ZNF536: variants seen among roughly 807,000 people sequenced by gnomAD.
ZNF536 encodes zinc finger protein 536.
Under a neutral mutation model 84.5 loss-of-function variants are expected in ZNF536, and 13 were observed. The ratio of observed to expected loss-of-function variants is 0.15; its 90% CI spans 0.10 to 0.24. The LOEUF is 0.24. Among genes scored for constraint, ZNF536 ranks in the 10% least tolerant of loss-of-function variants. The pLI is 1.00. For synonymous variants in ZNF536, 811 were observed against 742.5 expected (o/e 1.09, Z -1.50); for missense variants, 1,536 against 1,747.5 (o/e 0.88, Z 2.16).
intron 1 of ZNF536, among the ~76,000 whole-genome samples, chr19:30,273,974 A>G (rs943197823): frequency 6.6e-6 from 1 of 152,364 alleles, no homozygotes; most frequent in East Asian, 1.9e-4. Context: ...TAATAGAATT[A>G]TGGATTATTA....
intron 2 of ZNF536, among the ~76,000 whole-genome samples, chr19:30,456,388 T>C (rs1390937547): frequency 2.0e-5 from 3 of 151,030 alleles, no homozygotes; most frequent in Non-Finnish European, 4.4e-5. Context: ...CATCGATCAT[T>C]CTGATCTTCT....
At chr19:30,574,108 A>G (rs372832678) in intron 1 of ZNF536, among the ~76,000 whole-genome samples, 7 of 152,248 alleles carry the variant, frequency 4.6e-5, no homozygotes, top group African/African-American at 1.4e-4. Context: ...CCCACCTTTC[A>G]TACTAGCTGC....
intron 1 of ZNF536, among the ~76,000 whole-genome samples, chr19:30,405,433 AC>A (rs1446688864): frequency 6.6e-6 from 1 of 152,136 alleles, no homozygotes; most frequent in East Asian, 1.9e-4. Flanking sequence ...TACTTCCTGA[AC>A]TTGGGGTCTC....
intron 1 of ZNF536, among the ~76,000 whole-genome samples, chr19:30,240,719 G>A (rs1330126522): frequency 6.6e-6 from 1 of 152,226 alleles, no homozygotes; most frequent in African/African-American, 2.4e-5. Flanking sequence ...GGAGGGCTTC[G>A]TGGACCGTCT....
rs572784291 is a variant in ZNF536 at position 30,326,232 on chromosome 19, C to T, written c.-119-26136C>T. On this transcript the variant is annotated intron_variant, in intron 2 of 5. Transcript: ENST00000585628. Reference sequence around the variant, plus strand: ...CCGTCCCCATTGCCAGGGACATGTCCCAGTGGTCAGCCCGGGCTTGGCGTC... The same window carrying T: ...CCGTCCCCATTGCCAGGGACATGTCTCAGTGGTCAGCCCGGGCTTGGCGTC... 1.1e-3 allele frequency among the ~76,000 whole-genome samples: 169 copies of T among 152,282 alleles called. 3 individuals are homozygous for T. Among genetic ancestry groups the T allele is most frequent in the Middle Eastern group, 3.4e-3 (1 of 294 alleles).
At chr19:30,386,657 C>T (rs553601071) in intron 1 of ZNF536, among the ~76,000 whole-genome samples, 7 of 152,350 alleles carry the variant, frequency 4.6e-5, no homozygotes, top group South Asian at 4.1e-4. Flanking sequence ...GGATTATAGG[C>T]GTGAGCCATG....
At chr19:30,602,600 G>A (rs1056586434) in intron 1 of ZNF536, among the ~76,000 whole-genome samples, 6 of 152,168 alleles carry the variant, frequency 3.9e-5, no homozygotes, top group African/African-American at 1.4e-4. Context: ...CCATGGCCTG[G>A]TCCTGCTAAG....
At chr19:30,632,083 A>G (rs1235134659) in intron 1 of ZNF536, among the ~76,000 whole-genome samples, 1 of 152,180 alleles carries the variant, frequency 6.6e-6, no homozygotes, top group Non-Finnish European at 1.5e-5. Context: ...CAAGGTAAAG[A>G]TCTCACAGAG....
chr19:30,519,314 A>G (rs2044222604), intron 2 of ZNF536, among the ~76,000 whole-genome samples: 1 of 152,220 alleles, frequency 6.6e-6, no homozygotes, highest in South Asian at 2.1e-4. Context: ...AGGTGTGGAC[A>G]GGGAAGGGCC....
rs1014190273 is a variant in ZNF536, at chr19:30,576,642, C to T, written c.169+27128C>T. On this transcript the variant is annotated intron_variant, in intron 1 of 1. Coordinates refer to the ZNF536 transcript ENST00000592773. ...GGTCATGGGGACCCACTGCCATGCACCATCCATACCCCCTGCCTCACTTTC... is the reference window on the plus strand; with the variant it reads ...GGTCATGGGGACCCACTGCCATGCATCATCCATACCCCCTGCCTCACTTTC... Among the ~76,000 whole-genome samples, 21 of 152,222 alleles carry T rather than the reference C, an allele frequency of 1.4e-4. 1 individual carries two copies. Among genetic ancestry groups the T allele is most frequent in the African/African-American group, 4.6e-4 (19 of 41,442 alleles).
chr19:30,426,706 C>T (rs1299604306), intron 1 of ZNF536, among the ~76,000 whole-genome samples: 1 of 152,106 alleles, frequency 6.6e-6, no homozygotes. Context: ...TTTTAAGGAC[C>T]CCAGGGTTGG....
At position 30,588,879 on chromosome 19, in the gene ZNF536, A is replaced by G. The variant is rs2146766739; in HGVS notation, c.169+39365A>G. ...TAAAAAAGAATTAGTTATTTTTTTA[A>G]GTAAGGAAATAATAGTACAGGTGAC... On this transcript the variant is annotated intron_variant, in intron 1 of 1. Transcript: ENST00000592773. 1.3e-5 allele frequency among the ~76,000 whole-genome samples: 2 copies of G among 152,348 alleles called. 1 individual carries two copies. Among genetic ancestry groups the G allele is most frequent in the South Asian group, 4.1e-4 (2 of 4,828 alleles).
chr19:30,556,974 C>T (rs2045988104), intron 4 of ZNF536, 183 bp from the exon 5 acceptor site: 2 of 613,262 alleles, frequency 3.3e-6, no homozygotes. Flanking sequence ...AATTGCCAAC[C>T]TGCCCTAATC....
At chr19:30,582,375 CTTTTT>C (rs35509271) in intron 1 of ZNF536, among the ~76,000 whole-genome samples, 4 of 89,170 alleles carry the variant, frequency 4.5e-5, no homozygotes, top group African/African-American at 1.2e-4. Flanking sequence ...CCTAGTTTCT[CTTTTT>C]TTTTTTTTTT....
chr19:30,700,007 C>A (rs141890527), intron 1 of ZNF536, among the ~76,000 whole-genome samples: 104 of 152,024 alleles, frequency 6.8e-4, no homozygotes, highest in Non-Finnish European at 2.8e-4. Context: ...TTTTCTCTTT[C>A]TTTCTTTCTT....
chr19:30,492,732 A>G (rs1277004721), intron 2 of ZNF536, among the ~76,000 whole-genome samples: 1 of 152,302 alleles, frequency 6.6e-6, no homozygotes, highest in Admixed American at 6.5e-5. Context: ...CTCTTACTCA[A>G]TGAGTGGGTC....
intron 2 of ZNF536, among the ~76,000 whole-genome samples, chr19:30,477,449 G>A (rs1417821039): frequency 6.6e-6 from 1 of 152,158 alleles, no homozygotes; most frequent in Non-Finnish European, 1.5e-5. Flanking sequence ...TGACATGCAT[G>A]CATTTTATGA....
chr19:30,448,329 T>C (rs1233341051), intron 2 of ZNF536, among the ~76,000 whole-genome samples: 1 of 152,228 alleles, frequency 6.6e-6, no homozygotes, highest in Non-Finnish European at 1.5e-5. Context: ...CTCCCTCTTA[T>C]TTCCAACAAG....
At chr19:30,275,963 C>T (rs1568296650) in intron 1 of ZNF536, among the ~76,000 whole-genome samples, 1 of 152,052 alleles carries the variant, frequency 6.6e-6, no homozygotes, top group Non-Finnish European at 1.5e-5. Flanking sequence ...AGAGTATCTC[C>T]CCTCTCCCTT....
Sources: allele counts gnomAD v4.1 joint callset (sites outside exome capture counted in the v4.1 genomes callset), GRCh38; gene constraint gnomAD v4.1.1; transcripts MANE v1.5; gene names NCBI Gene and HGNC (gene_info 2026-07-23, HGNC 2026-07-21).